The following KLHL4 variants were observed in gnomAD, a reference collection of about 807,000 sequenced individuals.
The protein encoded by KLHL4 is kelch-like protein 4.
KLHL4 carries 17 observed loss-of-function variants against 45.8 expected under a neutral mutation model. The observed-to-expected ratio is 0.37, with a 90% CI of 0.25 to 0.56. KLHL4 has a LOEUF of 0.56. Ranked by LOEUF, KLHL4 falls within the 20% of genes least tolerant of loss-of-function variation. The probability of loss-of-function intolerance (pLI) is 0.79; values close to 1 mark genes in which losing one functional copy is unlikely to be tolerated. For missense variants in KLHL4, 544 were observed against 544.9 expected (o/e 1.00, Z 0.02); for synonymous variants, 224 against 189.9 (o/e 1.18, Z -1.47).
chrX:87,558,445 C>A (rs1392181349), intron 1 of KLHL4, among the ~76,000 whole-genome samples: 1 of 111,189 alleles, frequency 9.0e-6, no homozygotes, highest in East Asian at 2.8e-4. Flanking sequence ...TTTATCACAC[C>A]TCAATCATCT....
At chrX:87,570,125 G>A (rs967839629) in intron 1 of KLHL4, among the ~76,000 whole-genome samples, 1 of 110,820 alleles carries the variant, frequency 9.0e-6, no homozygotes, top group Non-Finnish European at 1.9e-5. Flanking sequence ...AGGAATTTAT[G>A]ATCTTAAGGG....
intron 1 of KLHL4, among the ~76,000 whole-genome samples, chrX:87,612,272 G>T (rs1922406721): frequency 8.9e-6 from 1 of 111,779 alleles, no homozygotes; most frequent in Non-Finnish European, 1.9e-5. Flanking sequence ...CTCATGGTAA[G>T]TGTTCTATGC....
chrX:87,560,248 T>C (rs1932065923), intron 1 of KLHL4, among the ~76,000 whole-genome samples: 1 of 112,056 alleles, frequency 8.9e-6, no homozygotes, highest in Admixed American at 9.5e-5. Flanking sequence ...AAATACCTCA[T>C]GCTTCAAATA....
chrX:87,599,541 T>C (rs1921942942), intron 1 of KLHL4, among the ~76,000 whole-genome samples: 1 of 110,956 alleles, frequency 9.0e-6, no homozygotes, highest in Non-Finnish European at 1.9e-5. Context: ...GTTCCTTTTC[T>C]ACATTCATAG....
chrX:87,651,059 C>T (rs763256704), intron 9 of KLHL4, among the ~76,000 whole-genome samples: 2 of 112,070 alleles, frequency 1.8e-5, no homozygotes, highest in Admixed American at 1.9e-4. Context: ...TGTAATTTTC[C>T]AAGACAGATT....
At chrX:87,604,449 T>A (rs1267133596) in intron 1 of KLHL4, among the ~76,000 whole-genome samples, 1 of 111,434 alleles carries the variant, frequency 9.0e-6, no homozygotes, top group Non-Finnish European at 1.9e-5. Context: ...TTCTTCTTTT[T>A]TTTGTTAACA....
chrX:87,537,878 C>T (rs989945431), intron 1 of KLHL4, among the ~76,000 whole-genome samples: 1 of 111,215 alleles, frequency 9.0e-6, no homozygotes. Flanking sequence ...AAGGCAACCT[C>T]AAATCACTTA....
intron 1 of KLHL4, among the ~76,000 whole-genome samples, chrX:87,552,344 C>A (rs1931847575): frequency 9.0e-6 from 1 of 110,796 alleles, no homozygotes; most frequent in African/African-American, 3.3e-5. Flanking sequence ...CAATGCAATA[C>A]CCCCTTACTC....
intron 1 of KLHL4, among the ~76,000 whole-genome samples, chrX:87,581,080 C>T (rs1370283419): frequency 8.9e-6 from 1 of 112,512 alleles, no homozygotes; most frequent in Non-Finnish European, 1.9e-5. Flanking sequence ...ATCAGCATGA[C>T]ATGGCTATTT....
chrX:87,605,534 A>G (rs955977982), intron 1 of KLHL4, among the ~76,000 whole-genome samples: 1 of 110,957 alleles, frequency 9.0e-6, no homozygotes, highest in African/African-American at 3.3e-5. Flanking sequence ...TTTTTGAGAT[A>G]GCTTGCTGTT....
intron 1 of KLHL4, among the ~76,000 whole-genome samples, chrX:87,554,785 T>TG (rs1931929730): frequency 9.9e-6 from 1 of 100,763 alleles, no homozygotes; most frequent in Non-Finnish European, 2.0e-5. Context: ...AGGGCATCCC[T>TG]GTCTTGTGCC....
chrX:87,608,518 T>A (rs1210782003), intron 1 of KLHL4, among the ~76,000 whole-genome samples: 1 of 110,439 alleles, frequency 9.1e-6, no homozygotes, highest in African/African-American at 3.3e-5. Context: ...ATTTTATTAG[T>A]CCATTTTGCA....
intron 1 of KLHL4, among the ~76,000 whole-genome samples, chrX:87,558,491 A>G (rs962688934): frequency 7.1e-5 from 8 of 111,911 alleles, no homozygotes; most frequent in African/African-American, 1.6e-4. Context: ...ATATTTAAGC[A>G]TAGTTGCTTA....
At chrX:87,568,387 T>TTTC in intron 1 of KLHL4, among the ~76,000 whole-genome samples, 1 of 41,150 alleles carries the variant, frequency 2.4e-5, no homozygotes, top group Non-Finnish European at 4.6e-5. Flanking sequence ...TCTTTTCTTT[T>TTTC]TTTCTTTTTT....
At chrX:87,652,314 C>T (rs1355913281) in intron 9 of KLHL4, among the ~76,000 whole-genome samples, 1 of 112,572 alleles carries the variant, frequency 8.9e-6, no homozygotes, top group Non-Finnish European at 1.9e-5. Flanking sequence ...CTCCTCATTA[C>T]TTAAGCAAAT....
chrX:87,659,113 CTTTTTTTTTTTTT>C (rs1178733729), intron 9 of KLHL4, among the ~76,000 whole-genome samples: 3 of 45,101 alleles, frequency 6.7e-5, no homozygotes, highest in South Asian at 1.9e-3. Context: ...TCTTTTCTTT[CTTTTTTTTTTTTT>C]TTTTTTTTTT....
At chrX:87,614,391 T>C (rs1236539252) in intron 2 of KLHL4, 43 bp from the exon 3 acceptor site, 1 of 1,167,176 alleles carries the variant, frequency 8.6e-7, no homozygotes, top group South Asian at 1.8e-5. Flanking sequence ...TTCAGTGAAA[T>C]TATTGACTCA....
intron 4 of KLHL4, among the ~76,000 whole-genome samples, chrX:87,618,391 A>G (rs1489254472): frequency 8.9e-6 from 1 of 112,005 alleles, no homozygotes; most frequent in Non-Finnish European, 1.9e-5. Context: ...TAGAATCTAT[A>G]GTATTAAGAA....
chrX:87,634,641 T>C (rs1371246361), intron 8 of KLHL4, among the ~76,000 whole-genome samples: 1 of 112,028 alleles, frequency 8.9e-6, no homozygotes, highest in East Asian at 2.8e-4. Context: ...ATCATAGATA[T>C]GGTCTCAGTC....
Sources: gnomAD v4.1 joint callset for allele counts (sites outside exome capture counted in the v4.1 genomes callset) on GRCh38, gnomAD v4.1.1 for gene constraint, MANE v1.5 for transcripts, NCBI Gene and HGNC (gene_info 2026-07-23, HGNC 2026-07-21) for gene names.